The following PPARGC1A variants were observed in gnomAD, a reference collection of about 807,000 sequenced individuals.
The protein encoded by PPARGC1A is peroxisome proliferator-activated receptor gamma coactivator 1-alpha.
PPARGC1A carries 25 observed loss-of-function variants against 88.7 expected under a neutral mutation model. That is an observed-to-expected ratio of 0.28 (90% confidence interval 0.21 to 0.39). The LOEUF (loss-of-function observed/expected upper bound fraction) is 0.39. Among genes scored for constraint, PPARGC1A ranks in the 10% least tolerant of loss-of-function variants. The probability of loss-of-function intolerance (pLI) is 1.00; values close to 1 mark genes in which losing one functional copy is unlikely to be tolerated. For synonymous variants in PPARGC1A, 363 were observed against 355.6 expected (o/e 1.02, Z -0.24); for missense variants, 880 against 968.7 (o/e 0.91, Z 1.22).
At chr4:24,218,657 C>G in the PPARGC1A span, among the ~76,000 whole-genome samples, 6 of 152,148 alleles carry the variant, frequency 3.9e-5, no homozygotes, top group African/African-American at 1.4e-4. Flanking sequence ...ATTTTTCAAT[C>G]TTTTCTAGAA....
At chr4:24,267,892 A>G in the PPARGC1A span, among the ~76,000 whole-genome samples, 3 of 152,296 alleles carry the variant, frequency 2.0e-5, no homozygotes, top group South Asian at 6.2e-4. Flanking sequence ...TGTATTTATA[A>G]AAGAATTATC....
the PPARGC1A span, among the ~76,000 whole-genome samples, chr4:24,375,652 G>A: frequency 6.6e-6 from 1 of 152,094 alleles, no homozygotes; most frequent in Non-Finnish European, 1.5e-5. Flanking sequence ...TATGGTGGGA[G>A]GAGGTGTGAG....
At chr4:24,247,631 C>T in the PPARGC1A span, among the ~76,000 whole-genome samples, 1 of 152,128 alleles carries the variant, frequency 6.6e-6, no homozygotes, top group Non-Finnish European at 1.5e-5. Flanking sequence ...TTGCCAATTC[C>T]AAAGACTTTT....
chr4:23,932,160 A>G, the PPARGC1A span, among the ~76,000 whole-genome samples: 1 of 152,228 alleles, frequency 6.6e-6, no homozygotes, highest in African/African-American at 2.4e-5. Context: ...TAATAATCAG[A>G]CAAATGTATA....
At chr4:24,311,876 T>C in the PPARGC1A span, among the ~76,000 whole-genome samples, 1 of 152,050 alleles carries the variant, frequency 6.6e-6, no homozygotes, top group East Asian at 1.9e-4. Context: ...GTTGCAGATA[T>C]CAGGATGAAA....
chr4:24,227,194 C>T, the PPARGC1A span, among the ~76,000 whole-genome samples: 12 of 152,032 alleles, frequency 7.9e-5, no homozygotes, highest in Non-Finnish European at 1.5e-4. Flanking sequence ...AAGCGATTCT[C>T]CTGCCTCAGC....
chr4:23,885,268 C>A (rs1038610788), intron 1 of PPARGC1A, among the ~76,000 whole-genome samples: 3 of 152,166 alleles, frequency 2.0e-5, no homozygotes, highest in African/African-American at 7.2e-5. Context: ...TTGATAGTTA[C>A]TGCTTCCAAA....
the PPARGC1A span, among the ~76,000 whole-genome samples, chr4:24,383,986 G>A: frequency 0.18 from 27,402 of 152,078 alleles, 2,662 homozygotes; most frequent in Middle Eastern, 0.32. Flanking sequence ...AAAAGGTCAG[G>A]TTACCCACAA....
chr4:24,335,903 A>T, the PPARGC1A span, among the ~76,000 whole-genome samples: 1 of 152,248 alleles, frequency 6.6e-6, no homozygotes. Flanking sequence ...AAAATAAATA[A>T]ATAAAAGTAA....
the PPARGC1A span, among the ~76,000 whole-genome samples, chr4:23,913,336 C>G: frequency 1.5e-5 from 2 of 130,090 alleles, no homozygotes; most frequent in Admixed American, 1.6e-4. Context: ...TCTGGAGAAC[C>G]CTAACTGATA....
chr4:23,875,606 C>A (rs16874265), intron 2 of PPARGC1A, among the ~76,000 whole-genome samples: 6,340 of 151,950 alleles, frequency 0.042, 339 homozygotes, highest in African/African-American at 0.12. Flanking sequence ...TAGCAATTTG[C>A]AGCCTGTTTG....
intron 2 of PPARGC1A, among the ~76,000 whole-genome samples, chr4:23,876,829 A>C (rs1404497377): frequency 2.0e-5 from 3 of 152,160 alleles, no homozygotes; most frequent in African/African-American, 7.2e-5. Context: ...GGAGAAAGAA[A>C]AAAAAAAGTA....
intron 7 of PPARGC1A, among the ~76,000 whole-genome samples, chr4:23,818,162 G>GCC (rs1722327411): frequency 6.6e-6 from 1 of 152,060 alleles, no homozygotes; most frequent in South Asian, 2.1e-4. Flanking sequence ...TATTTCCTGC[G>GCC]TGTTGATTTT....
intron 1 of PPARGC1A, chr4:23,888,818 G>C (rs763657980): frequency 1.2e-5 from 5 of 433,984 alleles, no homozygotes; most frequent in African/African-American, 2.2e-5. Context: ...TCACGTGTGG[G>C]CTTGATCCTC....
chr4:23,874,209 A>C (rs1399022049), intron 2 of PPARGC1A, among the ~76,000 whole-genome samples: 1 of 152,206 alleles, frequency 6.6e-6, no homozygotes, highest in African/African-American at 2.4e-5. Flanking sequence ...ATGAAGCTTC[A>C]CCATTATAAA....
the PPARGC1A span, among the ~76,000 whole-genome samples, chr4:24,386,745 CACAA>C: frequency 1.3e-5 from 2 of 152,080 alleles, no homozygotes; most frequent in Non-Finnish European, 2.9e-5. Flanking sequence ...TAAGAGAGGA[CACAA>C]ACAAATGGAA....
At chr4:23,814,742 G>A (rs756773294) in intron 7 of PPARGC1A, 137 bp from the exon 8 acceptor site, 20 of 832,156 alleles carry the variant, frequency 2.4e-5, no homozygotes, top group Non-Finnish European at 3.2e-5. Context: ...GAAGAAGAAG[G>A]AAACTAATTT....
the PPARGC1A span, among the ~76,000 whole-genome samples, chr4:24,366,533 C>T: frequency 3.3e-5 from 5 of 152,206 alleles, no homozygotes; most frequent in East Asian, 7.7e-4. Flanking sequence ...ACAACACAAC[C>T]AACAACAAGC....
chr4:24,137,850 A>G, the PPARGC1A span, among the ~76,000 whole-genome samples: 3 of 152,182 alleles, frequency 2.0e-5, no homozygotes, highest in African/African-American at 7.2e-5. Flanking sequence ...CTATCCAAAC[A>G]ATCAAACAAG....
Sources: gnomAD v4.1 joint callset for allele counts (sites outside exome capture counted in the v4.1 genomes callset) on GRCh38, gnomAD v4.1.1 for gene constraint, MANE v1.5 for transcripts, NCBI Gene and HGNC (gene_info 2026-07-23, HGNC 2026-07-21) for gene names.